Variants in SYCP2L observed in about 807,000 individuals in gnomAD.
SYCP2L encodes the protein synaptonemal complex protein 2-like.
In SYCP2L, 98 loss-of-function variants were observed where a neutral mutation model predicts 125.8. That is an observed-to-expected ratio of 0.78 (90% CI 0.66 to 0.92). The LOEUF is 0.92. Among genes scored for constraint, SYCP2L ranks in the 40% least tolerant of loss-of-function variants. The probability of loss-of-function intolerance (pLI) is 0.00; values close to 1 mark genes in which losing one functional copy is unlikely to be tolerated. For missense variants in SYCP2L, 842 were observed against 936.4 expected (o/e 0.90, Z 1.32); for synonymous variants, 317 against 325.4 (o/e 0.97, Z 0.28).
Position 10,955,198 on chromosome 6 carries a change from A to G in SYCP2L, c.2037A>G (p.Thr679=), listed in dbSNP as rs763633249. Residue 679 remains threonine (T), a synonymous_variant, in exon 24 of 30, where the codon ACA becomes ACG. Transcript: ENST00000283141. ...EVAPGSPFSI[T]EERELPEGIS... ...CTCCGGGATCCCCTTTCTCAATAAC[A>G]GAAGAAAGAGAGTTGCCAGGTAACA... 1.9e-6 allele frequency: 3 copies of G among 1,611,588 alleles called. No individual in the cohort carries two copies. In the South Asian group the frequency reaches 3.3e-5, roughly 18 times the overall value.
chr6:10,969,599 C>T (rs1009421638), intron 29 of SYCP2L, among the ~76,000 whole-genome samples: 3 of 151,846 alleles, frequency 2.0e-5, no homozygotes, highest in Admixed American at 6.6e-5. Flanking sequence ...CTCCTGACCT[C>T]GTGATCTGCC....
chr6:10,942,721 T>G lies in SYCP2L; in HGVS notation c.1929T>G (p.His643Gln). 6.2e-7 allele frequency: 1 copy of G among 1,612,138 alleles called. No homozygotes were observed. Among genetic ancestry groups the G allele is most frequent in the Non-Finnish European group, 8.5e-7 (1 of 1,179,448 alleles). ...TAACAGAAAGTACTAGCTTGAAACA[T>G]AAGCTGAGAAACTTGGAAGACAAAG... ...ESLTESTSLK[H>Q]KLRNLEDKDI... The change falls in exon 23 of 30, where the codon CAT (histidine) becomes CAG (glutamine). Residue 643 changes from histidine (H) to glutamine (Q), a missense_variant. Transcript: ENST00000283141.
rs552252148 is a variant in SYCP2L, at chr6:10,944,001, A to G, written c.1954+1255A>G. On this transcript the variant is annotated intron_variant, in intron 23 of 29. Coordinates refer to ENST00000283141, the MANE Select transcript of SYCP2L (RefSeq NM_001040274.3). ...AATTTGGGTTGTTAGAAATAATGCC[A>G]CTATGAAGAATCATGAACTCTCTCC... Among the ~76,000 whole-genome samples, 17 of 152,344 alleles carry G rather than the reference A, an allele frequency of 1.1e-4. No individual in the cohort carries two copies. The East Asian group carries it at 3.1e-3, about 28-fold the overall frequency.
At chr6:10,899,306 CGGAGGCTGA>C (rs1011875209) in intron 6 of SYCP2L, among the ~76,000 whole-genome samples, 34 of 152,122 alleles carry the variant, frequency 2.2e-4, no homozygotes, top group African/African-American at 8.2e-4. Flanking sequence ...CCAGCACTTT[CGGAGGCTGA>C]GGAGGGAGAA....
At chr6:10,969,358 CTTTTT>C (rs534262433) in intron 29 of SYCP2L, among the ~76,000 whole-genome samples, 2 of 105,030 alleles carry the variant, frequency 1.9e-5, no homozygotes. Context: ...AGGAAATTAT[CTTTTT>C]TTTTTTTTTT....
intron 29 of SYCP2L, among the ~76,000 whole-genome samples, chr6:10,964,179 G>A (rs913450567): frequency 1.2e-4 from 18 of 152,068 alleles, no homozygotes; most frequent in African/African-American, 3.6e-4. Context: ...GGATGGTCTC[G>A]ATCTCCTGAC....
intron 29 of SYCP2L, among the ~76,000 whole-genome samples, chr6:10,972,422 C>T (rs1023907353): frequency 1.3e-5 from 2 of 152,202 alleles, no homozygotes; most frequent in Non-Finnish European, 1.5e-5. Flanking sequence ...TGGACTCTGG[C>T]GGCTAAACCA....
intron 14 of SYCP2L, among the ~76,000 whole-genome samples, chr6:10,913,998 A>C (rs1780648490): frequency 6.6e-6 from 1 of 151,828 alleles, no homozygotes; most frequent in African/African-American, 2.4e-5. Context: ...TGCCTGGCTA[A>C]TTTTTTGTAT....
At chr6:10,913,405 C>G (rs997297039) in intron 14 of SYCP2L, among the ~76,000 whole-genome samples, 2 of 152,152 alleles carry the variant, frequency 1.3e-5, no homozygotes, top group African/African-American at 4.8e-5. Flanking sequence ...TTGCCAGGCT[C>G]TCTTGTAACT....
intron 14 of SYCP2L, among the ~76,000 whole-genome samples, chr6:10,915,000 C>A (rs1041371219): frequency 2.6e-5 from 4 of 152,162 alleles, no homozygotes; most frequent in African/African-American, 9.7e-5. Flanking sequence ...CCCAACTCAG[C>A]CTCCCAAAGT....
In SYCP2L at chr6:10,920,504, A is replaced by G. The variant is rs188648316; in HGVS notation, c.1073-3992A>G. ...AGTGCTGAGATTACAGGCGTGAGAC[A>G]CCGTGCCTGGCCTCCTTAGAATTTC... is the stretch of plus-strand genomic sequence containing the variant. On this transcript the variant is annotated intron_variant, in intron 14 of 29. Coordinates refer to ENST00000283141, the MANE Select transcript of SYCP2L (RefSeq NM_001040274.3). 2.8e-4 allele frequency among the ~76,000 whole-genome samples: 42 copies of G among 152,356 alleles called. 3 individuals carry two copies. The highest frequency in any genetic ancestry group is 2.7e-3 in the Admixed American group (41 of 15,306).
At chr6:10,889,703 C>T (rs1780141821) in intron 1 of SYCP2L, among the ~76,000 whole-genome samples, 1 of 149,836 alleles carries the variant, frequency 6.7e-6, no homozygotes, top group African/African-American at 2.5e-5. Flanking sequence ...TCATTGCAAC[C>T]TCCGCGTCCC....
At chr6:10,963,581 G>C (rs1216303656) in intron 28 of SYCP2L, among the ~76,000 whole-genome samples, 1 of 152,174 alleles carries the variant, frequency 6.6e-6, no homozygotes, top group African/African-American at 2.4e-5. Context: ...TGGGTCTGTG[G>C]TACTGACAGA....
chr6:10,953,703 G>A (rs897248881), intron 23 of SYCP2L, among the ~76,000 whole-genome samples: 1 of 152,122 alleles, frequency 6.6e-6, no homozygotes, highest in African/African-American at 2.4e-5. Context: ...TCAGGGATAT[G>A]GTAGTGAAGA....
At chr6:10,890,374 C>T (rs776483671) in intron 1 of SYCP2L, among the ~76,000 whole-genome samples, 6 of 151,964 alleles carry the variant, frequency 3.9e-5, no homozygotes, top group Non-Finnish European at 7.4e-5. Context: ...TGTTTTTTGT[C>T]TTGATAATGG....
At chr6:10,943,409 A>G (rs1781256646) in intron 23 of SYCP2L, among the ~76,000 whole-genome samples, 1 of 152,200 alleles carries the variant, frequency 6.6e-6, no homozygotes, top group African/African-American at 2.4e-5. Flanking sequence ...GGAATATAAC[A>G]TTACTATTGC....
At chr6:10,956,952 A>G (rs1781511285) in intron 25 of SYCP2L, among the ~76,000 whole-genome samples, 1 of 152,088 alleles carries the variant, frequency 6.6e-6, no homozygotes, top group Admixed American at 6.6e-5. Context: ...TAAGCCTCCC[A>G]TGTAGCTGGG....
intron 2 of SYCP2L, 70 bp downstream of exon 2, chr6:10,891,651 GT>G: frequency 1.2e-6 from 1 of 816,250 alleles, no homozygotes; most frequent in African/African-American, 1.8e-5. Context: ...GTGTGTGTGT[GT>G]GTGTGTGTGT....
Position 10,907,614 on chromosome 6 carries a change from T to C in SYCP2L, c.749T>C (p.Val250Ala). 6.2e-7 allele frequency: 1 copy of C among 1,614,062 alleles called. No homozygotes were observed. The highest frequency in any genetic ancestry group is 8.5e-7 in the Non-Finnish European group (1 of 1,179,968). ...ATTAAAAAATCAAGGGATGAACTTGTCCATAAATGGTTTGATGATGAAGTC... is the reference window on the plus strand; with the variant it reads ...ATTAAAAAATCAAGGGATGAACTTGCCCATAAATGGTTTGATGATGAAGTC... ...LTIKKSRDEL[V>A]HKWFDDEVIA... Residue 250 changes from valine to alanine, a missense_variant, in exon 10 of 30, where the codon GTC becomes GCC. By Grantham distance (64) the Val-to-Ala change is moderately conservative. Coordinates refer to ENST00000283141, the MANE Select transcript of SYCP2L (RefSeq NM_001040274.3).
Sources: gnomAD v4.1 joint callset for allele counts (sites outside exome capture counted in the v4.1 genomes callset) on GRCh38, gnomAD v4.1.1 for gene constraint, MANE v1.5 for transcripts, NCBI Gene and HGNC (gene_info 2026-07-23, HGNC 2026-07-21) for gene names.